CFAP251: variants seen among roughly 807,000 people sequenced by gnomAD.
CFAP251 encodes the protein cilia- and flagella-associated protein 251.
Under a neutral mutation model 126.7 loss-of-function variants are expected in CFAP251, and 93 were observed. The ratio of observed to expected loss-of-function variants is 0.73; its 90% CI spans 0.62 to 0.87. The LOEUF is 0.87. CFAP251 is among the 40% of genes least tolerant of loss of function. The pLI is 0.00. For missense variants in CFAP251, 1,287 were observed against 1,389.2 expected (o/e 0.93, Z 1.17); for synonymous variants, 503 against 506.9 (o/e 0.99, Z 0.10).
chr12:122,001,461 A>G, intron 20 of CFAP251, 36 bp from the exon 21 acceptor site: 1 of 1,507,504 alleles, frequency 6.6e-7, no homozygotes, highest in South Asian at 1.1e-5. Context: ...TAGCCTCAAG[A>G]GTTAAACAAT....
intron 3 of CFAP251, among the ~76,000 whole-genome samples, chr12:121,925,139 C>T (rs1339063207): frequency 1.3e-5 from 2 of 152,060 alleles, no homozygotes; most frequent in African/African-American, 4.8e-5. Context: ...CCATCCATTC[C>T]AAGAGGGTCC....
chr12:121,979,641 T>C (rs1390500192), intron 19 of CFAP251, among the ~76,000 whole-genome samples: 1 of 146,644 alleles, frequency 6.8e-6, no homozygotes, highest in Non-Finnish European at 1.5e-5. Context: ...CTCAGTTTAC[T>C]GCAATCTCCG....
intron 7 of CFAP251, among the ~76,000 whole-genome samples, chr12:121,946,503 C>T (rs911220668): frequency 2.6e-5 from 4 of 152,124 alleles, no homozygotes; most frequent in African/African-American, 4.8e-5. Flanking sequence ...AGTCAGCTGT[C>T]GATCCCTATT....
At chr12:121,976,294 C>T (rs1460058651) in intron 19 of CFAP251, among the ~76,000 whole-genome samples, 2 of 152,096 alleles carry the variant, frequency 1.3e-5, no homozygotes, top group South Asian at 4.1e-4. Flanking sequence ...CAGGCATGAG[C>T]GACCACTCCC....
At position 121,975,575 on chromosome 12, in the gene CFAP251, C is replaced by T. The variant is rs766519266; in HGVS notation, c.2896C>T (p.Arg966Cys). ...LEDYFYYSQL[R>C]SQGIDTMETR... is the part of the protein sequence containing the mutation. ...AGACTACTTCTACTATTCTCAGCTC[C>T]GCAGTCAAGGCATCGACACAATGGA... is the stretch of plus-strand genomic sequence containing the variant. Residue 966 changes from arginine to cysteine, a missense_variant, in exon 19 of 22, where the codon CGC becomes TGC. Arg to Cys is a radical substitution (Grantham distance 180, BLOSUM62 -3). Coordinates refer to ENST00000288912, the MANE Select transcript of CFAP251 (RefSeq NM_144668.6). 8.1e-6 allele frequency: 13 copies of T among 1,606,938 alleles called. No individual in the cohort carries two copies. The highest frequency in any genetic ancestry group is 2.2e-5 in the South Asian group (2 of 89,216).
intron 3 of CFAP251, among the ~76,000 whole-genome samples, chr12:121,925,656 G>A (rs1880379633): frequency 6.9e-6 from 1 of 144,378 alleles, no homozygotes; most frequent in South Asian, 2.3e-4. Context: ...TGTTTAGCCA[G>A]CAAACATAAA....
intron 9 of CFAP251, among the ~76,000 whole-genome samples, chr12:121,952,004 G>A (rs1468825758): frequency 6.6e-6 from 1 of 151,942 alleles, no homozygotes; most frequent in Non-Finnish European, 1.5e-5. Flanking sequence ...TTACAGGCGT[G>A]AGCCACTGCA....
In CFAP251 at chr12:121,974,866, C is replaced by T. The variant is rs529718124; in HGVS notation, c.2772-378C>T. Among the ~76,000 whole-genome samples, 15 of 152,198 alleles carry T rather than the reference C, an allele frequency of 9.9e-5. 1 individual carries two copies. The highest frequency in any genetic ancestry group is 2.0e-4 in the Admixed American group (3 of 15,270). On this transcript the variant is annotated intron_variant, in intron 17 of 21. Coordinates refer to ENST00000288912, the MANE Select transcript of CFAP251 (RefSeq NM_144668.6). This position sits in a 1 kb window ranked among gnomAD's most constrained non-coding sequence, Gnocchi z 4.6. ...TCCCATTCTTTTGACTCTGATCGTTCGTGGATCTAAAGTTACGGGTAAGGC... is the reference window on the plus strand; with the variant it reads ...TCCCATTCTTTTGACTCTGATCGTTTGTGGATCTAAAGTTACGGGTAAGGC...
chr12:121,948,986 C>G lies in CFAP251; in HGVS notation c.1194C>G (p.Asn398Lys). The change falls in exon 8 of 22, where the codon AAC becomes AAG. Residue 398 changes from asparagine to lysine, a missense_variant and splice_region_variant. Physicochemically the swap from Asn to Lys is moderately conservative, Grantham distance 94. Transcript: ENST00000288912. ...LELPTEYGVQ[N>K]YVTFNPTNNK... The stretch of plus-strand genomic sequence containing the variant: ...TATTTTCATACTTTATATTTCAGAA[C>G]TACGTTACTTTTAACCCAACAAATA... 1.9e-6 allele frequency: 3 copies of G among 1,552,506 alleles called. No homozygotes were observed. Among genetic ancestry groups the G allele is most frequent in the Non-Finnish European group, 2.6e-6 (3 of 1,142,092 alleles).
At chr12:121,949,722 A>T (rs1306933959) in intron 8 of CFAP251, 1 of 152,104 alleles carries the variant, frequency 6.6e-6, no homozygotes, top group South Asian at 2.1e-4. Flanking sequence ...ATCTCTACAA[A>T]AAATTATTTA....
chr12:121,925,191 G>C (rs1223838839), intron 3 of CFAP251, among the ~76,000 whole-genome samples: 1 of 152,120 alleles, frequency 6.6e-6, no homozygotes, highest in Admixed American at 6.6e-5. Flanking sequence ...GCAGTGAAAA[G>C]CCCCAGGCAG....
At chr12:121,920,968 C>T (rs1044057929) in intron 1 of CFAP251, among the ~76,000 whole-genome samples, 1 of 152,078 alleles carries the variant, frequency 6.6e-6, no homozygotes, top group Non-Finnish European at 1.5e-5. Flanking sequence ...CCTGCCTCAG[C>T]CTCCCAAGTA....
intron 19 of CFAP251, among the ~76,000 whole-genome samples, chr12:121,988,345 T>G (rs1418056532): frequency 6.6e-6 from 1 of 152,150 alleles, no homozygotes; most frequent in Non-Finnish European, 1.5e-5. Flanking sequence ...TCCTAGAACA[T>G]GTTTATCATC....
intron 3 of CFAP251, 62 bp downstream of exon 3, chr12:121,924,052 T>C: frequency 6.7e-7 from 1 of 1,499,968 alleles, no homozygotes; most frequent in Non-Finnish European, 8.9e-7. Flanking sequence ...ATAGGGGAAT[T>C]TTATGCATGT....
At chr12:121,957,319 T>A (rs758534795) in intron 11 of CFAP251, 51 bp downstream of exon 11, 2 of 1,537,302 alleles carry the variant, frequency 1.3e-6, no homozygotes, top group African/African-American at 2.8e-5. Flanking sequence ...ATGATCACTG[T>A]CTTCTTTAGT....
At chr12:121,949,568 A>G (rs1881450327) in intron 8 of CFAP251, 1 of 150,692 alleles carries the variant, frequency 6.6e-6, no homozygotes, top group Middle Eastern at 3.4e-3. Context: ...ATATACTGAC[A>G]CAGGGCAAAA....
In CFAP251 at chr12:121,923,888, C is replaced by T. The variant is rs201116442; in HGVS notation, c.645C>T (p.Ser215=). The T allele has an allele frequency of 3.0e-5, 48 of 1,614,080 alleles. 1 individual carries two copies. The highest frequency in any genetic ancestry group is 2.9e-4 in the South Asian group (26 of 91,070). ...NREEGQERRV[S]DIQSKAGISR... is the part of the protein sequence containing the mutation. ...AGGAGGGACAAGAAAGGAGAGTATC[C>T]GACATCCAGTCCAAAGCAGGGATCT... Residue 215 remains serine, a synonymous_variant, in exon 3 of 22, where the codon TCC becomes TCT. Transcript: ENST00000288912.
At chr12:121,954,068 CT>C (rs1881625714) in intron 9 of CFAP251, 51 bp from the exon 10 acceptor site, 1 of 1,460,798 alleles carries the variant, frequency 6.8e-7, no homozygotes, top group Admixed American at 1.8e-5. Flanking sequence ...TTGATAAATG[CT>C]TTGTTTTATA....
Position 121,921,435 on chromosome 12 carries a change from A to C in CFAP251, c.130A>C (p.Thr44Pro). Residue 44 changes from threonine to proline, a missense_variant, in exon 2 of 22, where the codon ACA becomes CCA. Transcript: ENST00000288912. Reference protein sequence around the residue: ...EDPQQESKDDTIAWRESQEEE... With the variant: ...EDPQQESKDDPIAWRESQEEE... ...TCCACAACAGGAATCAAAAGATGACACAATAGCATGGAGAGAGTCTCAGGA... is the reference window on the plus strand; with the variant it reads ...TCCACAACAGGAATCAAAAGATGACCCAATAGCATGGAGAGAGTCTCAGGA... 1 of 1,613,914 alleles carries C rather than the reference A, an allele frequency of 6.2e-7. No homozygotes were observed. The highest frequency in any genetic ancestry group is 1.1e-5 in the South Asian group (1 of 91,064).
Sources: allele counts gnomAD v4.1 joint callset (sites outside exome capture counted in the v4.1 genomes callset), GRCh38; gene constraint gnomAD v4.1.1; non-coding constraint Gnocchi (gnomAD v3.1); transcripts MANE v1.5; gene names NCBI Gene and HGNC (gene_info 2026-07-23, HGNC 2026-07-21).